CNNM2: variants seen among roughly 807,000 people sequenced by gnomAD.
CNNM2 encodes the protein cyclin and CBS domain divalent metal cation transport mediator 2, also known as metal transporter CNNM2.
In CNNM2, 12 loss-of-function variants were observed where a neutral mutation model predicts 66.9. The observed-to-expected ratio is 0.18, with a 90% CI of 0.11 to 0.29. The LOEUF (loss-of-function observed/expected upper bound fraction) is 0.29, where lower values mean the gene tolerates loss of function less well. CNNM2 is among the 10% of genes least tolerant of loss of function. The pLI is 1.00. For synonymous variants in CNNM2, 557 were observed against 501.8 expected (o/e 1.11, Z -1.47); for missense variants, 705 against 1,167.7 (o/e 0.60, Z 5.77).
intron 1 of CNNM2, among the ~76,000 whole-genome samples, chr10:103,040,565 G>A (rs1490388691): frequency 6.6e-6 from 1 of 152,200 alleles, no homozygotes; most frequent in Non-Finnish European, 1.5e-5. Context: ...GAATGGAGGA[G>A]TAGAGAAGAA....
At chr10:102,970,070 C>A (rs1180353865) in intron 1 of CNNM2, among the ~76,000 whole-genome samples, 1 of 152,130 alleles carries the variant, frequency 6.6e-6, no homozygotes, top group Non-Finnish European at 1.5e-5. Context: ...TAAAATTATC[C>A]TCTGATATAA....
At chr10:102,965,502 C>T (rs186655816) in intron 1 of CNNM2, among the ~76,000 whole-genome samples, 2 of 152,302 alleles carry the variant, frequency 1.3e-5, no homozygotes, top group East Asian at 1.9e-4. Context: ...ATAGTTAATA[C>T]TTGCTGTTCT....
chr10:103,039,524 G>A (rs2065002517), intron 1 of CNNM2, among the ~76,000 whole-genome samples: 1 of 152,178 alleles, frequency 6.6e-6, no homozygotes, highest in Non-Finnish European at 1.5e-5. Flanking sequence ...AAAAATCTGA[G>A]TGTTTGTTAC....
At chr10:103,060,841 A>T (rs1372737974) in intron 4 of CNNM2, among the ~76,000 whole-genome samples, 2 of 152,222 alleles carry the variant, frequency 1.3e-5, no homozygotes, top group Non-Finnish European at 2.9e-5. Flanking sequence ...CACCATGCGC[A>T]TGTACTATTT....
At chr10:103,068,270 G>T (rs1275019149) in intron 4 of CNNM2, among the ~76,000 whole-genome samples, 2 of 126,340 alleles carry the variant, frequency 1.6e-5, no homozygotes, top group Admixed American at 8.7e-5. Flanking sequence ...AGCACTTTGG[G>T]AGGCCAAGAC....
chr10:102,961,432 C>T (rs1007314239), intron 1 of CNNM2, among the ~76,000 whole-genome samples: 5 of 152,140 alleles, frequency 3.3e-5, no homozygotes, highest in African/African-American at 1.2e-4. Context: ...AAAATTTACT[C>T]TATTTTTGGC....
chr10:103,036,739 G>T (rs1303449962), intron 1 of CNNM2, among the ~76,000 whole-genome samples: 1 of 152,062 alleles, frequency 6.6e-6, no homozygotes, highest in African/African-American at 2.4e-5. Context: ...ACAATTTTTT[G>T]ACTGAAAAAT....
chr10:103,013,268 T>G (rs1227105418), intron 1 of CNNM2, among the ~76,000 whole-genome samples: 1 of 152,212 alleles, frequency 6.6e-6, no homozygotes, highest in Non-Finnish European at 1.5e-5. Flanking sequence ...TTTTTAAGTC[T>G]GTTTTGTGAT....
rs1374187543 is a variant in CNNM2, at chr10:103,054,286, G to A, written c.1766-43G>A. 6.2e-7 allele frequency: 1 copy of A among 1,600,078 alleles called. No homozygotes were observed. Among genetic ancestry groups the A allele is most frequent in the Non-Finnish European group, 8.5e-7 (1 of 1,172,740 alleles). On this transcript the variant is annotated intron_variant, in intron 2 of 7. Transcript: ENST00000369878. The surrounding 1 kb of genome is among the most constrained non-coding windows in gnomAD (Gnocchi z 5.2). ...ATTCAAAAAGAGCCCTCATCTCATG[G>A]GATGCATTTCTTTTTTTTTCTCTCT...
intron 1 of CNNM2, among the ~76,000 whole-genome samples, chr10:103,028,337 A>G (rs2064747285): frequency 6.6e-6 from 1 of 152,194 alleles, no homozygotes; most frequent in South Asian, 2.1e-4. Context: ...TTTACTTGAC[A>G]ACTCATTGTA....
intron 1 of CNNM2, among the ~76,000 whole-genome samples, chr10:103,031,735 G>A (rs1273929830): frequency 1.3e-5 from 2 of 152,088 alleles, no homozygotes; most frequent in South Asian, 4.1e-4. Flanking sequence ...GAAAATTTAA[G>A]GATCTGATAG....
intron 1 of CNNM2, among the ~76,000 whole-genome samples, chr10:102,984,839 G>T (rs932807204): frequency 6.6e-6 from 1 of 152,042 alleles, no homozygotes; most frequent in Non-Finnish European, 1.5e-5. Flanking sequence ...TAGAGGTGGT[G>T]TTTCACCATG....
rs1420741463 is a variant in CNNM2 at position 103,077,190 on chromosome 10, G to GCTGCACCCGCCCAGGC, written c.*12_*27dup. The GCTGCACCCGCCCAGGC allele has an allele frequency of 1.2e-6, 2 of 1,610,178 alleles. No homozygotes were observed. Among genetic ancestry groups the GCTGCACCCGCCCAGGC allele is most frequent in the South Asian group, 1.1e-5 (1 of 90,986 alleles). On this transcript the variant is annotated 3_prime_UTR_variant, in exon 8 of 8. Transcript: ENST00000369878. ...CGAAGGCGCCATCTAGGCCGCGCTG[G>GCTGCACCCGCCCAGGC]CTGCACCCGCCCAGGCCCGCACCCG...
At chr10:103,067,819 G>A (rs1000476378) in intron 4 of CNNM2, among the ~76,000 whole-genome samples, 3 of 152,116 alleles carry the variant, frequency 2.0e-5, no homozygotes, top group Non-Finnish European at 4.4e-5. Flanking sequence ...GAGGAGAGGG[G>A]AACTTTATTT....
chr10:103,007,589 T>C (rs1289148940), intron 1 of CNNM2, among the ~76,000 whole-genome samples: 1 of 152,184 alleles, frequency 6.6e-6, no homozygotes, highest in Non-Finnish European at 1.5e-5. Flanking sequence ...TAATTCGCGA[T>C]ATCTTCCCTA....
At chr10:102,990,712 G>T (rs2063883473) in intron 1 of CNNM2, among the ~76,000 whole-genome samples, 1 of 152,130 alleles carries the variant, frequency 6.6e-6, no homozygotes, top group African/African-American at 2.4e-5. Flanking sequence ...AGAGTGAAGC[G>T]ATCTTTAATG....
rs12257941 is a variant in CNNM2 at position 103,073,404 on chromosome 10, C to T, written c.2233+1565C>T. Among the ~76,000 whole-genome samples, 15,882 of 152,188 alleles carry T rather than the reference C, an allele frequency of 0.1. 843 individuals are homozygous for T. Among genetic ancestry groups the T allele is most frequent in the Middle Eastern group, 0.18 (52 of 294 alleles). ...CACACAAACACTGTTTCAAAAGTAT[C>T]TAGAAATGGTGATGAGATTGGTGGC... On this transcript the variant is annotated intron_variant, in intron 6 of 7. Transcript: ENST00000369878.
chr10:102,945,441 T>G (rs1397338456), intron 1 of CNNM2, among the ~76,000 whole-genome samples: 3 of 152,172 alleles, frequency 2.0e-5, no homozygotes, highest in African/African-American at 7.2e-5. Flanking sequence ...AGAGTATAAC[T>G]TTTTTGCAAG....
intron 1 of CNNM2, among the ~76,000 whole-genome samples, chr10:102,996,020 G>A (rs755380304): frequency 6.6e-5 from 10 of 152,144 alleles, no homozygotes; most frequent in Non-Finnish European, 1.0e-4. Flanking sequence ...GAGTTTTTAA[G>A]GAATTGGTCC....
Sources: allele counts gnomAD v4.1 joint callset (sites outside exome capture counted in the v4.1 genomes callset), GRCh38; gene constraint gnomAD v4.1.1; non-coding constraint Gnocchi (gnomAD v3.1); transcripts MANE v1.5; gene names NCBI Gene and HGNC (gene_info 2026-07-23, HGNC 2026-07-21).